SPEF2: variants seen among roughly 807,000 people sequenced by gnomAD.
The protein encoded by SPEF2 is sperm flagella and cilia-associated protein 2.
A neutral mutation model predicts 224.6 loss-of-function variants in SPEF2; 187 were observed. That is an observed-to-expected ratio of 0.83 (90% CI 0.74 to 0.94). SPEF2 has a LOEUF of 0.94. Among genes scored for constraint, SPEF2 ranks in the 40% least tolerant of loss-of-function variants. The pLI is 0.00. For synonymous variants in SPEF2, 715 were observed against 707.3 expected, an observed-to-expected ratio of 1.01 and a Z score of -0.17; for missense variants, 2,170 against 2,135.6, an observed-to-expected ratio of 1.02 and a Z score of -0.32.
At chr5:35,695,263 T>C (rs1755129762) in intron 13 of SPEF2, among the ~76,000 whole-genome samples, 1 of 132,868 alleles carries the variant, frequency 7.5e-6, no homozygotes, top group Non-Finnish European at 1.5e-5. Context: ...TTAAAACTTC[T>C]GGTTTTTTTT....
intron 2 of SPEF2, among the ~76,000 whole-genome samples, chr5:35,631,811 AT>A (rs1580045200): frequency 1.3e-5 from 2 of 152,216 alleles, no homozygotes; most frequent in Non-Finnish European, 2.9e-5. Context: ...CAAAACTTGT[AT>A]TTGTCACAAA....
rs949472286 is a variant in SPEF2, at chr5:35,775,345, A to G, written c.4079-912A>G. The stretch of plus-strand genomic sequence containing the variant: ...GACTTACCAACGGAACTAATTCTTG[A>G]GCGGAATTGGAAGACTATGGATAAG... On this transcript the variant is annotated intron_variant, in intron 28 of 36. Transcript: ENST00000356031. 5.9e-5 allele frequency among the ~76,000 whole-genome samples: 9 copies of G among 152,268 alleles called. 2 individuals are homozygous for G. Among genetic ancestry groups the G allele is most frequent in the East Asian group, 1.9e-4 (1 of 5,178 alleles).
At chr5:35,769,989 A>ATGTGTG (rs10627412) in intron 26 of SPEF2, among the ~76,000 whole-genome samples, 18 of 142,358 alleles carry the variant, frequency 1.3e-4, no homozygotes, top group African/African-American at 2.4e-4. Flanking sequence ...TGCCTCCATA[A>ATGTGTG]TGTGTGTGTG....
chr5:35,781,575 A>G (rs529781026), intron 30 of SPEF2: 1 of 152,276 alleles, frequency 6.6e-6, no homozygotes, highest in East Asian at 1.9e-4. Flanking sequence ...TCTCTGTGTG[A>G]GGAACCACCT....
chr5:35,754,713 C>T (rs747593503), intron 24 of SPEF2, among the ~76,000 whole-genome samples: 2 of 152,132 alleles, frequency 1.3e-5, no homozygotes, highest in Non-Finnish European at 2.9e-5. Flanking sequence ...TTTCTTAAAG[C>T]AAATGCCCTA....
rs1754723319 is a variant in SPEF2, at chr5:35,692,813, A to G, written c.1899+89A>G. On this transcript the variant is annotated intron_variant, in intron 12 of 36. Coordinates refer to ENST00000356031, the MANE Select transcript of SPEF2 (RefSeq NM_024867.4). ...TTTAAAAGGTCTTCTCTAGACCAGA[A>G]GTTTCTTCTGTACAGACCCAGAGAG... 1.6e-5 allele frequency: 21 copies of G among 1,302,112 alleles called. No homozygotes were observed. In the South Asian group the frequency reaches 2.6e-4, roughly 16 times the overall value. The allele number at this position is 1,302,112 out of a possible 1,614,324, so 80.7% of individuals were successfully genotyped here.
chr5:35,760,482 A>G (rs1296917473), intron 25 of SPEF2, among the ~76,000 whole-genome samples: 7 of 152,162 alleles, frequency 4.6e-5, no homozygotes, highest in African/African-American at 1.4e-4. Context: ...TGAGTCTTTT[A>G]CTGATAAAGA....
intron 33 of SPEF2, among the ~76,000 whole-genome samples, chr5:35,799,013 G>C (rs888096598): frequency 1.3e-5 from 2 of 152,042 alleles, no homozygotes; most frequent in Non-Finnish European, 2.9e-5. Flanking sequence ...TAGTTGTAAG[G>C]GTTTTTGGTA....
intron 34 of SPEF2, among the ~76,000 whole-genome samples, chr5:35,805,339 C>G (rs1313551912): frequency 6.6e-6 from 1 of 152,088 alleles, no homozygotes; most frequent in African/African-American, 2.4e-5. Context: ...CTCCAAATTC[C>G]TTATAGGGAC....
chr5:35,671,407 A>G lies in SPEF2; in HGVS notation c.1524+1180A>G, dbSNP rs149236093. 44 of 970,188 alleles carry G rather than the reference A, an allele frequency of 4.5e-5. No individual in the cohort carries two copies. The African/African-American group carries it at 7.4e-4, about 16-fold the overall frequency. 60.1% of individuals were successfully genotyped at this position (970,188 alleles called of 1,614,324 possible). A position where few individuals can be genotyped will look rare whatever the true frequency, so the allele number is the denominator to read the frequency against. Reference sequence around the variant, plus strand: ...AGAGAATTATTATTAAGGATTGACTAGAACCTTAAAAGATATATGTGGATG... The same window carrying G: ...AGAGAATTATTATTAAGGATTGACTGGAACCTTAAAAGATATATGTGGATG... On this transcript the variant is annotated intron_variant, in intron 10 of 36. Coordinates refer to ENST00000356031, the MANE Select transcript of SPEF2 (RefSeq NM_024867.4).
intron 26 of SPEF2, among the ~76,000 whole-genome samples, chr5:35,769,672 GGGGCAAGATTTATCACTCATAGAACACTT>G (rs1312406039): frequency 6.6e-6 from 1 of 152,112 alleles, no homozygotes; most frequent in Non-Finnish European, 1.5e-5. Context: ...TTTGGACAAT[GGGGCAAGATTTATCACTCATAGAACACTT>G]GGGAAGAGTT....
chr5:35,653,072 T>A (rs1364569276), intron 6 of SPEF2, among the ~76,000 whole-genome samples: 1 of 152,190 alleles, frequency 6.6e-6, no homozygotes. Context: ...TTGATGATTA[T>A]TTGATCTTTG....
intron 20 of SPEF2, among the ~76,000 whole-genome samples, chr5:35,720,781 T>A (rs1400400282): frequency 1.3e-5 from 2 of 152,152 alleles, no homozygotes; most frequent in Non-Finnish European, 2.9e-5. Context: ...CCCACGTACC[T>A]AAACCTGTCA....
intron 27 of SPEF2, among the ~76,000 whole-genome samples, chr5:35,772,312 A>G (rs1237445833): frequency 2.0e-5 from 3 of 152,192 alleles, no homozygotes. Context: ...AAATGAGCAG[A>G]ACTCACTCCA....
intron 10 of SPEF2, chr5:35,671,713 G>T (rs760776637): frequency 1.6e-4 from 27 of 173,706 alleles, no homozygotes; most frequent in Non-Finnish European, 2.6e-4. Flanking sequence ...TATTTTCCTT[G>T]TATGAGAAAT....
chr5:35,804,100 C>T (rs1411632426), intron 34 of SPEF2, among the ~76,000 whole-genome samples: 3 of 152,162 alleles, frequency 2.0e-5, no homozygotes, highest in Non-Finnish European at 4.4e-5. Context: ...GCGTTTGAGG[C>T]CCTGGGGTAG....
rs148086442 is a variant in SPEF2 at position 35,800,222 on chromosome 5, A to T, written c.5010+75A>T. On this transcript the variant is annotated intron_variant, in intron 34 of 36. Transcript: ENST00000356031. The stretch of plus-strand genomic sequence containing the variant: ...TGAAGATCCTAAACTGACAACAAGG[A>T]CTCTATTATTTTCATCTCCGTATTT... 5.7e-3 allele frequency: 8,517 copies of T among 1,485,506 alleles called. 63 individuals carry two copies. Among genetic ancestry groups the T allele is most frequent in the Non-Finnish European group, 5.6e-3 (6,140 of 1,096,812 alleles). The allele number at this position is 1,485,506 out of a possible 1,614,324, so 92.0% of individuals were successfully genotyped here.
chr5:35,775,678 G>A (rs1277788147), intron 28 of SPEF2, among the ~76,000 whole-genome samples: 2 of 152,090 alleles, frequency 1.3e-5, no homozygotes, highest in African/African-American at 4.8e-5. Context: ...ATTTGAGGTG[G>A]GGGAAGAGAG....
At chr5:35,795,060 AATTTTATAAG>A (rs1756474016) in intron 32 of SPEF2, among the ~76,000 whole-genome samples, 1 of 152,116 alleles carries the variant, frequency 6.6e-6, no homozygotes, top group South Asian at 2.1e-4. Context: ...TTTAGGTCAA[AATTTTATAAG>A]ATTTGTCGAA....
Sources: allele counts gnomAD v4.1 joint callset (sites outside exome capture counted in the v4.1 genomes callset), GRCh38; gene constraint gnomAD v4.1.1; transcripts MANE v1.5; gene names NCBI Gene and HGNC (gene_info 2026-07-23, HGNC 2026-07-21).